Variants in SNRNP40 observed in about 807,000 individuals in gnomAD.
SNRNP40 encodes small nuclear ribonucleoprotein U5 subunit 40, also known as U5 small nuclear ribonucleoprotein 40 kDa protein.
In SNRNP40, 21 loss-of-function variants were observed where a neutral mutation model predicts 45.8. The ratio of observed to expected loss-of-function variants is 0.46; its 90% CI spans 0.32 to 0.66. The LOEUF (loss-of-function observed/expected upper bound fraction) is 0.66. Ranked by LOEUF, SNRNP40 falls within the 30% of genes least tolerant of loss-of-function variation. SNRNP40 has a pLI of 0.03. For synonymous variants in SNRNP40, 142 were observed against 163.8 expected (o/e 0.87, Z 1.01); for missense variants, 344 against 439.1 (o/e 0.78, Z 1.94).
chr1:31,285,956 A>G (rs567869017), intron 4 of SNRNP40, among the ~76,000 whole-genome samples: 2 of 152,290 alleles, frequency 1.3e-5, no homozygotes, highest in Admixed American at 6.5e-5. Flanking sequence ...GGTCGATTTG[A>G]TAATTTAGTT....
At chr1:31,274,815 A>C (rs1645963997) in intron 5 of SNRNP40, among the ~76,000 whole-genome samples, 1 of 152,104 alleles carries the variant, frequency 6.6e-6, no homozygotes, top group Middle Eastern at 3.2e-3. Flanking sequence ...AAGTTCCAAG[A>C]GATTGGTGGG....
intron 5 of SNRNP40, among the ~76,000 whole-genome samples, chr1:31,272,611 C>A (rs1029108074): frequency 1.3e-5 from 2 of 152,166 alleles, no homozygotes; most frequent in African/African-American, 4.8e-5. Context: ...CTACTTCTTA[C>A]GGCTGTTGTA....
Position 31,296,611 on chromosome 1 carries a change from C to T in SNRNP40, c.141G>A (p.Ala47=). The change falls in exon 1 of 10, where the codon GCG becomes GCA. Residue 47 remains alanine, a splice_region_variant and synonymous_variant. Transcript: ENST00000263694. Reference sequence around the variant, plus strand: ...AAAGGCCGCCTGCTTCTTCACTTACCGCTTGCAGCAAGGCTCCCGGCGTCG... The same window carrying T: ...AAAGGCCGCCTGCTTCTTCACTTACTGCTTGCAGCAAGGCTCCCGGCGTCG... The part of the protein sequence containing the change: ...QQATPGALLQ[A]GPPRCSSLQA... 6.2e-7 allele frequency: 1 copy of T among 1,608,668 alleles called. No homozygotes were observed. Among genetic ancestry groups the T allele is most frequent in the Non-Finnish European group, 8.5e-7 (1 of 1,177,682 alleles).
chr1:31,269,764 A>T (rs1645924090), intron 6 of SNRNP40: 2 of 160,412 alleles, frequency 1.2e-5, no homozygotes, highest in African/African-American at 4.8e-5. Flanking sequence ...CCATACCAAA[A>T]ATCAGAAAAA....
In SNRNP40 at chr1:31,260,126, G is replaced by A. The variant is rs1342979747; in HGVS notation, c.1025-5C>T. 15 of 1,581,542 alleles carry A rather than the reference G, an allele frequency of 9.5e-6. No individual in the cohort carries two copies. Among genetic ancestry groups the A allele is most frequent in the Non-Finnish European group, 1.2e-5 (14 of 1,163,336 alleles). ...TGTCACTCGATGCTGAGATAACTGA[G>A]GTAAAAAGAACAGATAACTAGAAAT... is the stretch of plus-strand genomic sequence containing the variant. On this transcript the variant is annotated splice_region_variant and splice_polypyrimidine_tract_variant and intron_variant, in intron 9 of 9. Coordinates refer to ENST00000263694, the MANE Select transcript of SNRNP40 (RefSeq NM_004814.3).
In SNRNP40 at chr1:31,259,959, T is replaced by C; in HGVS notation, c.*113A>G. 1.2e-6 allele frequency: 1 copy of C among 818,572 alleles called. No individual in the cohort carries two copies. Among genetic ancestry groups the C allele is most frequent in the Non-Finnish European group, 2.1e-6 (1 of 466,584 alleles). 50.7% of individuals were successfully genotyped at this position (818,572 alleles called of 1,614,324 possible). ...ATGGCCACCGCCTCCTGTTTCTTGC[T>C]AGCAATGGTCATCTGAAGGGAGGGT... On this transcript the variant is annotated 3_prime_UTR_variant, in exon 10 of 10. Transcript: ENST00000263694.
At chr1:31,263,913 T>TAAAAAAAAAAAAAA (rs11419603) in intron 8 of SNRNP40, among the ~76,000 whole-genome samples, 2 of 107,008 alleles carry the variant, frequency 1.9e-5, no homozygotes, top group African/African-American at 3.6e-5. Context: ...ATGTACTGGC[T>TAAAAAAAAAAAAAA]AAAAAAAAAA....
At chr1:31,295,447 A>T (rs1646140632) in intron 1 of SNRNP40, among the ~76,000 whole-genome samples, 1 of 152,236 alleles carries the variant, frequency 6.6e-6, no homozygotes, top group Non-Finnish European at 1.5e-5. Flanking sequence ...AAAAAATTAC[A>T]TTTGGGCAAA....
At chr1:31,277,337 T>C (rs1390883272) in intron 5 of SNRNP40, among the ~76,000 whole-genome samples, 2 of 152,250 alleles carry the variant, frequency 1.3e-5, no homozygotes, top group Non-Finnish European at 2.9e-5. Context: ...CAGTGACTTA[T>C]CTATTTTTAT....
rs776856044 is a variant in SNRNP40 at position 31,260,063 on chromosome 1, T to TC, written c.*8dup. On this transcript the variant is annotated 3_prime_UTR_variant, in exon 10 of 10. Transcript: ENST00000263694. The stretch of plus-strand genomic sequence containing the variant: ...GACAAGCGGCCTTGGAGTCTTCCAG[T>TC]CCATATCTTCACTGAATCTCTCCCA... 15 of 1,605,858 alleles carry TC rather than the reference T, an allele frequency of 9.3e-6. No individual in the cohort carries two copies. The Admixed American group carries it at 1.5e-4, about 16-fold the overall frequency.
rs541647072 is a variant in SNRNP40 at position 31,260,473 on chromosome 1, A to T, written c.1025-352T>A. ...TTCTGCTTGTTATACTTAGCCCTGGAGAAAGTTACAGTTTCTCCTTTAATT... is the reference window on the plus strand; with the variant it reads ...TTCTGCTTGTTATACTTAGCCCTGGTGAAAGTTACAGTTTCTCCTTTAATT... On this transcript the variant is annotated intron_variant, in intron 9 of 9. Transcript: ENST00000263694. Among the ~76,000 whole-genome samples the T allele has an allele frequency of 4.6e-5, 7 of 152,166 alleles. No homozygotes were observed. The East Asian group carries it at 1.4e-3, about 29-fold the overall frequency.
chr1:31,261,861 G>T (rs2271073), intron 8 of SNRNP40: 19,077 of 367,934 alleles, frequency 0.052, 1,132 homozygotes, highest in South Asian at 0.2. Flanking sequence ...AGCATGACTG[G>T]CATGTTTGAA....
intron 8 of SNRNP40, among the ~76,000 whole-genome samples, chr1:31,264,648 C>T (rs1000255569): frequency 5.3e-5 from 8 of 152,186 alleles, no homozygotes; most frequent in Non-Finnish European, 1.2e-4. Context: ...TATAAGTACA[C>T]TCATCATCAA....
At chr1:31,263,965 CATTAAAGGGTAAAGTATAGAGCT>C (rs1645878796) in intron 8 of SNRNP40, among the ~76,000 whole-genome samples, 2 of 146,356 alleles carry the variant, frequency 1.4e-5, no homozygotes, top group Non-Finnish European at 3.0e-5. Context: ...TTGCTTAAGT[CATTAAAGGGTAAAGTATAGAGCT>C]ATTATCTTAA....
intron 9 of SNRNP40, 118 bp downstream of exon 9, chr1:31,261,411 C>A (rs954652375): frequency 2.5e-5 from 17 of 674,588 alleles, no homozygotes; most frequent in Non-Finnish European, 4.1e-5. Context: ...CAAAAACACC[C>A]AAAGGCTGTT....
At chr1:31,278,299 G>A (rs2148385672) in intron 5 of SNRNP40, among the ~76,000 whole-genome samples, 1 of 152,324 alleles carries the variant, frequency 6.6e-6, no homozygotes, top group East Asian at 1.9e-4. Flanking sequence ...TTGACAGTAA[G>A]TAGACTTTAC....
chr1:31,275,512 C>T (rs944606480), intron 5 of SNRNP40, among the ~76,000 whole-genome samples: 1 of 152,094 alleles, frequency 6.6e-6, no homozygotes, highest in Non-Finnish European at 1.5e-5. Context: ...GCCTCAGGCT[C>T]CCAAGTAGCT....
intron 2 of SNRNP40, 189 bp downstream of exon 2, chr1:31,293,030 T>G: frequency 1.7e-6 from 1 of 604,524 alleles, no homozygotes; most frequent in South Asian, 2.0e-5. Flanking sequence ...GCTTCTGTAT[T>G]TACCCCATGG....
At chr1:31,260,777 G>A (rs1285999703) in intron 9 of SNRNP40, among the ~76,000 whole-genome samples, 4 of 148,602 alleles carry the variant, frequency 2.7e-5, no homozygotes, top group African/African-American at 5.0e-5. Flanking sequence ...CAGGAGAATC[G>A]CTTGAACCTG....
Sources: gnomAD v4.1 joint callset for allele counts (sites outside exome capture counted in the v4.1 genomes callset) on GRCh38, gnomAD v4.1.1 for gene constraint, MANE v1.5 for transcripts, NCBI Gene and HGNC (gene_info 2026-07-23, HGNC 2026-07-21) for gene names.